The following BAHCC1 variants were observed in gnomAD, a reference collection of about 807,000 sequenced individuals.
BAHCC1 encodes BAH and coiled-coil domain-containing protein 1.
In BAHCC1, 43 loss-of-function variants were observed where a neutral mutation model predicts 88.2. That is an observed-to-expected ratio of 0.49 (90% CI 0.38 to 0.63). The LOEUF is 0.63. BAHCC1 is among the 20% of genes least tolerant of loss of function. The pLI is 0.00. For missense variants in BAHCC1, 3,023 were observed against 1,654.8 expected, an observed-to-expected ratio of 1.83 and a Z score of -14.34; for synonymous variants, 1,510 against 745.5, an observed-to-expected ratio of 2.03 and a Z score of -16.71.
In BAHCC1 at chr17:81,461,134, C is replaced by T. The variant is rs1555659159; in HGVS notation, c.6471C>T (p.Ser2157=). 6.6e-6 allele frequency: 5 copies of T among 762,610 alleles called. No homozygotes were observed. In the African/African-American group the frequency reaches 6.8e-5, roughly 10 times the overall value. The allele number at this position is 762,610 out of a possible 1,614,324, so 47.2% of individuals were successfully genotyped here. A position where few individuals can be genotyped will look rare whatever the true frequency, so the allele number is the denominator to read the frequency against. The stretch of plus-strand genomic sequence containing the variant: ...TTGGCAACGGCTTCCGCGCCGACTC[C>T]TTCAGCAGCCTGGCCAGCTCCTACG... The part of the protein sequence containing the change: ...PIFGNGFRAD[S]FSSLASSYAP... Residue 2157 remains serine (S), a synonymous_variant, in exon 26 of 28, where the codon TCC becomes TCT. Transcript: ENST00000675386.
At chr17:81,428,638 C>T (rs1461262241) in intron 3 of BAHCC1, among the ~76,000 whole-genome samples, 2 of 152,242 alleles carry the variant, frequency 1.3e-5, no homozygotes, top group Non-Finnish European at 2.9e-5. Flanking sequence ...GTGGGTAGCA[C>T]CACCTGCCTT....
chr17:81,462,112 C>G (rs1426263325), intron 26 of BAHCC1, 66 bp downstream of exon 26: 7 of 663,196 alleles, frequency 1.1e-5, no homozygotes, highest in Middle Eastern at 5.1e-4. Flanking sequence ...CTCATGCGCC[C>G]CTGCTGCCCT....
chr17:81,420,011 TG>T (rs1455977755), intron 2 of BAHCC1, among the ~76,000 whole-genome samples: 1 of 151,970 alleles, frequency 6.6e-6, no homozygotes, highest in Admixed American at 6.5e-5. Flanking sequence ...TGGGGCACAG[TG>T]GGCACCTGGC....
Position 81,444,409 on chromosome 17 carries a change from C to A in BAHCC1, c.2353C>A (p.Arg785=). Residue 785 remains arginine (R), a synonymous_variant, in exon 7 of 28, where the codon CGG becomes AGG. Transcript: ENST00000675386. ...QDSKDRVEFA[R]IHPPSSCPGD... ...CAGCAAAGACCGCGTAGAGTTCGCCCGGATCCACCCACCGAGCAGCTGCCC... is the reference window on the plus strand; with the variant it reads ...CAGCAAAGACCGCGTAGAGTTCGCCAGGATCCACCCACCGAGCAGCTGCCC... 1.3e-6 allele frequency: 1 copy of A among 749,020 alleles called. No individual in the cohort carries two copies. Among genetic ancestry groups the A allele is most frequent in the South Asian group, 1.4e-5 (1 of 69,688 alleles). The allele number at this position is 749,020 out of a possible 1,614,324, so 46.4% of individuals were successfully genotyped here. A position where few individuals can be genotyped will look rare whatever the true frequency, so the allele number is the denominator to read the frequency against.
chr17:81,414,259 G>A (rs1311553038), intron 2 of BAHCC1, among the ~76,000 whole-genome samples: 2 of 152,250 alleles, frequency 1.3e-5, no homozygotes, highest in Non-Finnish European at 2.9e-5. Context: ...TTCAGCGAGG[G>A]CCAATGCCTG....
At chr17:81,419,566 C>T (rs990661720) in intron 2 of BAHCC1, among the ~76,000 whole-genome samples, 21 of 150,022 alleles carry the variant, frequency 1.4e-4, no homozygotes, top group African/African-American at 4.4e-4. Flanking sequence ...CTGTGGGGAG[C>T]GGGGAAGGTG....
chr17:81,440,551 C>G (rs1336291779), intron 4 of BAHCC1, among the ~76,000 whole-genome samples: 1 of 152,214 alleles, frequency 6.6e-6, no homozygotes, highest in Non-Finnish European at 1.5e-5. Flanking sequence ...CTTGGCACCA[C>G]CCTGCTGCCC....
intron 4 of BAHCC1, 37 bp from the exon 5 acceptor site, chr17:81,441,793 CT>C (rs782376513): frequency 1.8e-6 from 1 of 568,324 alleles, no homozygotes; most frequent in Non-Finnish European, 3.2e-6. Flanking sequence ...AGCCTCACCC[CT>C]AAGGCCTCCC....
intron 16 of BAHCC1, 70 bp from the exon 17 acceptor site, chr17:81,457,340 G>T: frequency 2.8e-6 from 2 of 704,106 alleles, no homozygotes; most frequent in South Asian, 3.0e-5. Flanking sequence ...TGCCCAGAGG[G>T]TCACCTCCCC....
intron 14 of BAHCC1, among the ~76,000 whole-genome samples, chr17:81,453,850 G>T (rs1285075597): frequency 7.2e-5 from 11 of 152,280 alleles, no homozygotes; most frequent in Admixed American, 4.6e-4. Flanking sequence ...GGCAGAGGCA[G>T]TTGGCCCCGG....
At chr17:81,453,416 G>C (rs1568030077) in intron 14 of BAHCC1, among the ~76,000 whole-genome samples, 1 of 152,282 alleles carries the variant, frequency 6.6e-6, no homozygotes, top group African/African-American at 2.4e-5. Context: ...TGTGCGCACT[G>C]CATCAATCCT....
chr17:81,415,882 C>T (rs1234128929), intron 2 of BAHCC1, among the ~76,000 whole-genome samples: 1 of 152,272 alleles, frequency 6.6e-6, no homozygotes, highest in African/African-American at 2.4e-5. Flanking sequence ...TCGAGGACGG[C>T]CCAGGATGGC....
Position 81,463,973 on chromosome 17 carries a change from G to T in BAHCC1, c.*156G>T. 1 of 614,682 alleles carries T rather than the reference G, an allele frequency of 1.6e-6. No homozygotes were observed. The highest frequency in any genetic ancestry group is 2.7e-5 in the Admixed American group (1 of 37,420). 38.1% of individuals were successfully genotyped at this position (614,682 alleles called of 1,614,324 possible). ...CAGGGCAAGACCCAGGCTTTCTTACGGTTTTCCCTGGAAAGAGCGCTCCAG... is the reference window on the plus strand; with the variant it reads ...CAGGGCAAGACCCAGGCTTTCTTACTGTTTTCCCTGGAAAGAGCGCTCCAG... On this transcript the variant is annotated 3_prime_UTR_variant, in exon 28 of 28. Transcript: ENST00000675386.
chr17:81,454,945 C>G (rs2064719285), intron 14 of BAHCC1, among the ~76,000 whole-genome samples: 1 of 152,230 alleles, frequency 6.6e-6, no homozygotes, highest in South Asian at 2.1e-4. Context: ...TCCTTCCTAT[C>G]AGGCTGGAAG....
chr17:81,444,024 A>T lies in BAHCC1; in HGVS notation c.2324+107A>T. On this transcript the variant is annotated intron_variant, in intron 6 of 27. Coordinates refer to ENST00000675386, the MANE Select transcript of BAHCC1 (RefSeq NM_001377448.1). ...GGGGTGGTCATGGCTGGGGCAGCAG[A>T]TTCTATGGCCGGCCGTGGGTGGGGT... The T allele has an allele frequency of 6.1e-6, 4 of 657,868 alleles. No homozygotes were observed. The East Asian group carries it at 1.1e-4, about 18-fold the overall frequency. The allele number at this position is 657,868 out of a possible 1,614,324, so 40.8% of individuals were successfully genotyped here. A position where few individuals can be genotyped will look rare whatever the true frequency, so the allele number is the denominator to read the frequency against.
Position 81,461,308 on chromosome 17 carries a change from G to T in BAHCC1, c.6645G>T (p.Val2215=). 1.4e-6 allele frequency: 1 copy of T among 718,810 alleles called. No individual in the cohort carries two copies. 44.5% of individuals were successfully genotyped at this position (718,810 alleles called of 1,614,324 possible). ...TGGTCAAGCTGGACCACGAGGGTGT[G>T]ACCTCCCCCAAGAACAAGACCTGCA... The part of the protein sequence containing the change: ...EFLVKLDHEG[V]TSPKNKTCKA... The change falls in exon 26 of 28, where the codon GTG becomes GTT. Residue 2215 remains valine, a synonymous_variant. Transcript: ENST00000675386.
intron 2 of BAHCC1, among the ~76,000 whole-genome samples, chr17:81,414,990 C>T (rs1233312636): frequency 3.3e-5 from 5 of 152,224 alleles, no homozygotes; most frequent in Non-Finnish European, 7.3e-5. Context: ...TTACCCGCCC[C>T]GGCGTACTGT....
At chr17:81,454,988 TC>T (rs2064720093) in intron 14 of BAHCC1, among the ~76,000 whole-genome samples, 1 of 152,326 alleles carries the variant, frequency 6.6e-6, no homozygotes, top group Admixed American at 6.5e-5. Flanking sequence ...CGTGCCCACT[TC>T]CAGTATAGCC....
rs2064559953 is a variant in BAHCC1, at chr17:81,447,734, G to C, written c.3862G>C (p.Gly1288Arg). The C allele has an allele frequency of 1.4e-6, 1 of 734,272 alleles. No individual in the cohort carries two copies. Among genetic ancestry groups the C allele is most frequent in the African/African-American group, 1.7e-5 (1 of 57,972 alleles). The allele number at this position is 734,272 out of a possible 1,614,324, so 45.5% of individuals were successfully genotyped here. A position where few individuals can be genotyped will look rare whatever the true frequency, so the allele number is the denominator to read the frequency against. ...PPDPQPPAAS[G>R]PPSTVPLPHS... ...GGACCCTCAGCCCCCAGCGGCCTCTGGGCCCCCCAGCACAGTCCCCCTGCC... is the reference window on the plus strand; with the variant it reads ...GGACCCTCAGCCCCCAGCGGCCTCTCGGCCCCCCAGCACAGTCCCCCTGCC... Residue 1288 changes from glycine to arginine, a missense_variant, in exon 11 of 28, where the codon GGG (glycine) becomes CGG (arginine). Gly to Arg is a moderately radical substitution (Grantham distance 125). Coordinates refer to ENST00000675386, the MANE Select transcript of BAHCC1 (RefSeq NM_001377448.1).
Sources: allele counts gnomAD v4.1 joint callset (sites outside exome capture counted in the v4.1 genomes callset), GRCh38; gene constraint gnomAD v4.1.1; transcripts MANE v1.5; gene names NCBI Gene and HGNC (gene_info 2026-07-23, HGNC 2026-07-21).